Variants in PCDH15 observed in about 807,000 individuals in gnomAD.
The protein encoded by PCDH15 is protocadherin-15.
In PCDH15, 129 loss-of-function variants were observed where a neutral mutation model predicts 178.5. The ratio of observed to expected loss-of-function variants is 0.72; its 90% confidence interval spans 0.63 to 0.84. PCDH15 has a LOEUF of 0.84. Ranked by LOEUF, PCDH15 falls within the 40% of genes least tolerant of loss-of-function variation. The pLI is 0.00. For synonymous variants in PCDH15, 800 were observed against 732.0 expected, an observed-to-expected ratio of 1.09 and a Z score of -1.50; for missense variants, 2,230 against 2,099.9, an observed-to-expected ratio of 1.06 and a Z score of -1.21.
intron 21 of PCDH15, among the ~76,000 whole-genome samples, chr10:53,984,460 G>A (rs2090957906): frequency 6.6e-6 from 1 of 151,956 alleles, no homozygotes; most frequent in Non-Finnish European, 1.5e-5. Flanking sequence ...TTACTTGATT[G>A]ACTTTTTAAC....
intron 3 of PCDH15, among the ~76,000 whole-genome samples, chr10:54,474,879 T>A (rs1220251531): frequency 6.6e-6 from 1 of 151,856 alleles, no homozygotes; most frequent in African/African-American, 2.4e-5. Flanking sequence ...ACAGATTATA[T>A]CAATACAAAT....
intron 24 of PCDH15, among the ~76,000 whole-genome samples, chr10:53,940,096 T>C (rs2134065457): frequency 6.6e-6 from 1 of 152,288 alleles, no homozygotes; most frequent in African/African-American, 2.4e-5. Context: ...CAAACTCTTT[T>C]ACATTCACTC....
At chr10:54,460,434 C>T (rs12266824) in intron 3 of PCDH15, among the ~76,000 whole-genome samples, 1,547 of 151,946 alleles carry the variant, frequency 0.01, 33 homozygotes, top group African/African-American at 0.036. Flanking sequence ...GGTTTTAAAA[C>T]GTCATTTCAG....
At chr10:55,485,697 C>T (rs887502859) in intron 2 of PCDH15, among the ~76,000 whole-genome samples, 5 of 151,354 alleles carry the variant, frequency 3.3e-5, no homozygotes, top group African/African-American at 7.3e-5. Context: ...CTGCAATCCA[C>T]GTTTAGTATA....
chr10:55,035,833 TA>T (rs1840721682), intron 2 of PCDH15, among the ~76,000 whole-genome samples: 1 of 147,062 alleles, frequency 6.8e-6, no homozygotes, highest in Non-Finnish European at 1.5e-5. Flanking sequence ...CTGATGGCCA[TA>T]GGGGGTAGCC....
At chr10:55,509,064 G>T (rs375665704) in intron 2 of PCDH15, among the ~76,000 whole-genome samples, 1 of 151,634 alleles carries the variant, frequency 6.6e-6, no homozygotes, top group Admixed American at 6.6e-5. Context: ...GCAAATACAT[G>T]ACAGACAGTC....
At chr10:55,016,137 A>G (rs1304498160) in intron 2 of PCDH15, among the ~76,000 whole-genome samples, 1 of 147,732 alleles carries the variant, frequency 6.8e-6, no homozygotes, top group Admixed American at 6.7e-5. Flanking sequence ...GGTACAAACT[A>G]GGTGTATATA....
intron 2 of PCDH15, among the ~76,000 whole-genome samples, chr10:54,564,330 G>T (rs1174495560): frequency 2.7e-4 from 41 of 152,128 alleles, no homozygotes; most frequent in Non-Finnish European, 1.5e-5. Context: ...TTAGTGAGAG[G>T]ATTGAGAAGT....
At chr10:54,858,989 T>G (rs543504708) in intron 3 of PCDH15, among the ~76,000 whole-genome samples, 1 of 152,228 alleles carries the variant, frequency 6.6e-6, no homozygotes, top group South Asian at 2.1e-4. Flanking sequence ...TACACATAGC[T>G]TTATGTATCC....
At chr10:54,791,588 T>G (rs1244039781) in intron 1 of PCDH15, among the ~76,000 whole-genome samples, 2 of 151,952 alleles carry the variant, frequency 1.3e-5, no homozygotes, top group Non-Finnish European at 2.9e-5. Context: ...AAACGTAACA[T>G]GTTTAAAAAT....
intron 30 of PCDH15, among the ~76,000 whole-genome samples, chr10:53,829,737 T>A (rs2076907249): frequency 6.6e-6 from 1 of 152,148 alleles, no homozygotes; most frequent in Non-Finnish European, 1.5e-5. Flanking sequence ...TGAAAAGTAA[T>A]GACCTGCTTG....
At position 54,153,273 on chromosome 10, in the gene PCDH15, G is replaced by A. The variant is rs771243891; in HGVS notation, c.1611C>T (p.Asp537=). Residue 537 remains aspartate (D), a synonymous_variant, in exon 14 of 38, where the codon GAC becomes GAT. Transcript: ENST00000644397. ...ATGTGATCTCCCCATTTGACCCTTC[G>A]TCTGCGTCGACTGCAGTGAGCTGGA... is the stretch of plus-strand genomic sequence containing the variant. The part of the protein sequence containing the change: ...SVIQLTAVDA[D]EGSNGEITYE... 5.0e-6 allele frequency: 8 copies of A among 1,613,574 alleles called. No homozygotes were observed. Among genetic ancestry groups the A allele is most frequent in the Non-Finnish European group, 5.9e-6 (7 of 1,179,830 alleles).
At position 55,057,086 on chromosome 10, in the gene PCDH15, A is replaced by G. The variant is rs573919336; in HGVS notation, c.-80+109490T>C. Among the ~76,000 whole-genome samples, 3 of 152,346 alleles carry G rather than the reference A, an allele frequency of 2.0e-5. No individual in the cohort carries two copies. In the East Asian group the frequency reaches 5.8e-4, roughly 29 times the overall value. On this transcript the variant is annotated intron_variant, in intron 2 of 5. Coordinates refer to the PCDH15 transcript ENST00000458638. Reference sequence around the variant, plus strand: ...ACAAATAGGTCTGAGGAAATGAAGTAAAGATAAATAGATTTTATATTGTCG... The same window carrying G: ...ACAAATAGGTCTGAGGAAATGAAGTGAAGATAAATAGATTTTATATTGTCG...
chr10:54,855,306 G>T (rs558568206), intron 3 of PCDH15, among the ~76,000 whole-genome samples: 112 of 152,298 alleles, frequency 7.4e-4, no homozygotes, highest in African/African-American at 2.1e-3. Context: ...CATCCAGGAG[G>T]ATGGGACTCC....
intron 3 of PCDH15, among the ~76,000 whole-genome samples, chr10:54,844,879 G>T (rs1171768490): frequency 6.6e-6 from 1 of 151,848 alleles, no homozygotes; most frequent in African/African-American, 2.4e-5. Context: ...TTAAAAAAAC[G>T]TAGCCTTAAT....
intron 20 of PCDH15, among the ~76,000 whole-genome samples, chr10:54,010,928 T>C (rs2092561391): frequency 6.6e-6 from 1 of 152,206 alleles, no homozygotes; most frequent in South Asian, 2.1e-4. Context: ...ACAGCCACTC[T>C]GCCACTGCCA....
chr10:54,271,208 T>TTTTGTTTG (rs151089406), intron 8 of PCDH15, among the ~76,000 whole-genome samples: 2 of 151,896 alleles, frequency 1.3e-5, no homozygotes, highest in African/African-American at 2.4e-5. Context: ...TGTTCTTACA[T>TTTTGTTTG]TTTGTTTGTT....
At chr10:54,062,248 A>AAAAAAAAAAAAAAAAAAAT (rs2094039380) in intron 18 of PCDH15, among the ~76,000 whole-genome samples, 1 of 119,928 alleles carries the variant, frequency 8.3e-6, no homozygotes, top group Non-Finnish European at 1.6e-5. Flanking sequence ...AAAAAAAAAA[A>AAAAAAAAAAAAAAAAAAAT]AAAACAAAAA....
chr10:54,572,730 T>C (rs2089994391), intron 2 of PCDH15, among the ~76,000 whole-genome samples: 2 of 152,270 alleles, frequency 1.3e-5, no homozygotes, highest in African/African-American at 4.8e-5. Flanking sequence ...ACTAGGTTAA[T>C]AGATTAATAA....
Sources: gnomAD v4.1 joint callset for allele counts (sites outside exome capture counted in the v4.1 genomes callset) on GRCh38, gnomAD v4.1.1 for gene constraint, MANE v1.5 for transcripts, NCBI Gene and HGNC (gene_info 2026-07-23, HGNC 2026-07-21) for gene names.